The following CFAP77 variants were observed in gnomAD, a reference collection of about 807,000 sequenced individuals.
The protein encoded by CFAP77 is cilia and flagella associated protein 77, also known as cilia- and flagella-associated protein 77.
Under a neutral mutation model 31.1 loss-of-function variants are expected in CFAP77, and 25 were observed. The ratio of observed to expected loss-of-function variants is 0.80; its 90% CI spans 0.59 to 1.12. The LOEUF is 1.12. CFAP77 is among the 50% of genes most tolerant of loss of function. The pLI, the probability that CFAP77 is intolerant of heterozygous loss-of-function variation, is 0.00. For synonymous variants in CFAP77, 151 were observed against 159.9 expected, an observed-to-expected ratio of 0.94 and a Z score of 0.42; for missense variants, 377 against 397.3, an observed-to-expected ratio of 0.95 and a Z score of 0.44.
At chr9:132,493,425 A>G (rs576122305) in intron 1 of CFAP77, among the ~76,000 whole-genome samples, 4 of 152,308 alleles carry the variant, frequency 2.6e-5, no homozygotes, top group East Asian at 1.9e-4. Context: ...GCTGTGGTTT[A>G]TCTGGTGCCG....
chr9:132,438,275 T>C (rs1285420170), intron 1 of CFAP77, among the ~76,000 whole-genome samples: 1 of 151,126 alleles, frequency 6.6e-6, no homozygotes, highest in Non-Finnish European at 1.5e-5. Context: ...TTGCATTGTC[T>C]TTATATAACT....
intron 1 of CFAP77, among the ~76,000 whole-genome samples, chr9:132,471,933 C>T (rs187378370): frequency 6.6e-6 from 1 of 152,224 alleles, no homozygotes; most frequent in African/African-American, 2.4e-5. Context: ...CCAGGCTAGG[C>T]CCAAACTCCT....
chr9:132,487,261 C>T (rs1305362467), intron 1 of CFAP77, among the ~76,000 whole-genome samples: 4 of 152,152 alleles, frequency 2.6e-5, no homozygotes, highest in Non-Finnish European at 4.4e-5. Flanking sequence ...TACCCAAGGT[C>T]ACACGGGAAG....
In CFAP77 at chr9:132,410,452, C is replaced by G; in HGVS notation, c.181C>G (p.Pro61Ala). The change falls in exon 1 of 6, where the codon CCT (proline) becomes GCT (alanine). Residue 61 changes from proline (P) to alanine (A), a missense_variant. Transcript: ENST00000393216. Reference sequence around the variant, plus strand: ...CGTGCGGGACTCCATGTTTCAGAACCCTCTCATCGTCAAGGTGAGCACCCC... The same window carrying G: ...CGTGCGGGACTCCATGTTTCAGAACGCTCTCATCGTCAAGGTGAGCACCCC... ...GVVRDSMFQN[P>A]LIVKAELGKP... The G allele has an allele frequency of 6.3e-7, 1 of 1,585,616 alleles. No individual in the cohort carries two copies. Among genetic ancestry groups the G allele is most frequent in the Non-Finnish European group, 8.6e-7 (1 of 1,168,592 alleles).
At chr9:132,504,582 C>T (rs892975768) in intron 3 of CFAP77, among the ~76,000 whole-genome samples, 14 of 152,174 alleles carry the variant, frequency 9.2e-5, no homozygotes, top group Non-Finnish European at 1.5e-4. Flanking sequence ...CAGCAAATAT[C>T]GTGGCCATAA....
In CFAP77 at chr9:132,442,468, G is replaced by A. The variant is rs113893290; in HGVS notation, c.195+32002G>A. Among the ~76,000 whole-genome samples the A allele has an allele frequency of 6.0e-3, 906 of 152,172 alleles. 10 individuals are homozygous for A. The highest frequency in any genetic ancestry group is 0.021 in the African/African-American group (863 of 41,516). Reference sequence around the variant, plus strand: ...CTCAGGAGGCTGAGGTGGGAGGATCGCTTGAGCCCCGGAGGCAGAGGGTGC... The same window carrying A: ...CTCAGGAGGCTGAGGTGGGAGGATCACTTGAGCCCCGGAGGCAGAGGGTGC... On this transcript the variant is annotated intron_variant, in intron 1 of 5. Coordinates refer to ENST00000393216, the MANE Select transcript of CFAP77 (RefSeq NM_001282957.2).
At chr9:132,415,650 A>G (rs1345109209) in intron 1 of CFAP77, among the ~76,000 whole-genome samples, 2 of 152,224 alleles carry the variant, frequency 1.3e-5, no homozygotes. Context: ...GGGGTGAACT[A>G]ATCAGAGGTC....
In CFAP77 at chr9:132,509,082, C is replaced by T. The variant is rs548244454; in HGVS notation, c.524+9482C>T. Among the ~76,000 whole-genome samples, 21 of 152,324 alleles carry T rather than the reference C, an allele frequency of 1.4e-4. No homozygotes were observed. In the East Asian group the frequency reaches 1.5e-3, roughly 11 times the overall value. ...TACGAACAACAGTTACAGCAATGAA[C>T]GGCCAACGCTGATGAGCACCTACTG... On this transcript the variant is annotated intron_variant, in intron 3 of 5. Transcript: ENST00000393216.
intron 1 of CFAP77, among the ~76,000 whole-genome samples, chr9:132,410,941 A>G (rs1032945565): frequency 3.2e-4 from 49 of 152,196 alleles, no homozygotes; most frequent in African/African-American, 1.1e-3. Context: ...TCCTGGAAGC[A>G]TCACGTCGAA....
Position 132,545,750 on chromosome 9 carries a change from A to G in CFAP77, c.732+2703A>G, listed in dbSNP as rs1017501957. On this transcript the variant is annotated intron_variant, in intron 5 of 5. Coordinates refer to ENST00000393216, the MANE Select transcript of CFAP77 (RefSeq NM_001282957.2). The surrounding 1 kb of genome is among the most constrained non-coding windows in gnomAD (Gnocchi z 4.6). ...CCTTAGAATGCACCCGGCGCTGAGC[A>G]GGTCTCATCTCATAGATATCATGCC... Among the ~76,000 whole-genome samples, 1 of 152,190 alleles carries G rather than the reference A, an allele frequency of 6.6e-6. No individual in the cohort carries two copies. The highest frequency in any genetic ancestry group is 6.5e-5 in the Admixed American group (1 of 15,284).
chr9:132,513,475 T>C (rs1358231060), intron 3 of CFAP77: 1 of 1,227,726 alleles, frequency 8.1e-7, no homozygotes, highest in African/African-American at 1.5e-5. Flanking sequence ...CCTCCCGAGG[T>C]TGGAGCACGC....
At chr9:132,422,456 G>C (rs1473268928) in intron 1 of CFAP77, among the ~76,000 whole-genome samples, 1 of 152,224 alleles carries the variant, frequency 6.6e-6, no homozygotes, top group Non-Finnish European at 1.5e-5. Flanking sequence ...TTTTAGCCCA[G>C]CCCTTCGAGC....
chr9:132,483,591 A>C (rs1851487551), intron 1 of CFAP77, among the ~76,000 whole-genome samples: 1 of 152,136 alleles, frequency 6.6e-6, no homozygotes, highest in South Asian at 2.1e-4. Context: ...TGGCAAGCAA[A>C]GGGGGCCACA....
chr9:132,499,636 G>C lies in CFAP77; in HGVS notation c.524+36G>C. On this transcript the variant is annotated intron_variant, in intron 3 of 5. Coordinates refer to ENST00000393216, the MANE Select transcript of CFAP77 (RefSeq NM_001282957.2). The surrounding 1 kb of genome is among the most constrained non-coding windows in gnomAD (Gnocchi z 5.4). ...TGGCAGCCAGGGCTTCATCCCTTGA[G>C]GGGGTGGAGGTACCAGCTCAATCAG... 6.3e-7 allele frequency: 1 copy of C among 1,594,380 alleles called. No individual in the cohort carries two copies. Among genetic ancestry groups the C allele is most frequent in the Non-Finnish European group, 8.6e-7 (1 of 1,162,448 alleles).
chr9:132,492,002 CT>C (rs968810435), intron 1 of CFAP77, among the ~76,000 whole-genome samples: 1 of 152,234 alleles, frequency 6.6e-6, no homozygotes, highest in African/African-American at 2.4e-5. Context: ...GAACAGTAGA[CT>C]TTTGCCAGGC....
intron 1 of CFAP77, among the ~76,000 whole-genome samples, chr9:132,413,445 G>A (rs1850044269): frequency 6.6e-6 from 1 of 152,206 alleles, no homozygotes; most frequent in Non-Finnish European, 1.5e-5. Flanking sequence ...TTTTCCATTA[G>A]AAAGGGTTTC....
In CFAP77 at chr9:132,573,074, C is replaced by A. The variant is rs1365807644; in HGVS notation, c.*564C>A. 1 of 152,632 alleles carries A rather than the reference C, an allele frequency of 6.6e-6. No individual in the cohort carries two copies. 9.5% of individuals were successfully genotyped at this position (152,632 alleles called of 1,614,324 possible). ...TTACTCGAGCCTGCCCCCGCCTCCTCAGTGCTGGGGCCCCGTCAATCAAGC... is the reference window on the plus strand; with the variant it reads ...TTACTCGAGCCTGCCCCCGCCTCCTAAGTGCTGGGGCCCCGTCAATCAAGC... On this transcript the variant is annotated 3_prime_UTR_variant, in exon 6 of 6. Coordinates refer to ENST00000393216, the MANE Select transcript of CFAP77 (RefSeq NM_001282957.2).
At chr9:132,544,092 C>A (rs1294991630) in intron 5 of CFAP77, among the ~76,000 whole-genome samples, 1 of 152,226 alleles carries the variant, frequency 6.6e-6, no homozygotes, top group Non-Finnish European at 1.5e-5. Context: ...ATGAAGGGAC[C>A]GGTGCCTTTC....
intron 1 of CFAP77, chr9:132,482,187 C>CTTTTTTTTTTTTTTTTTTTTTTTT: frequency 2.0e-6 from 1 of 498,120 alleles, no homozygotes. Context: ...TTCTTTCTTT[C>CTTTTTTTTTTTTTTTTTTTTTTTT]TTTTTTTTTT....
Sources: allele counts gnomAD v4.1 joint callset (sites outside exome capture counted in the v4.1 genomes callset), GRCh38; gene constraint gnomAD v4.1.1; non-coding constraint Gnocchi (gnomAD v3.1); transcripts MANE v1.5; gene names NCBI Gene and HGNC (gene_info 2026-07-23, HGNC 2026-07-21).